GPC6: variants seen among roughly 807,000 people sequenced by gnomAD.
The protein encoded by GPC6 is glypican 6, also known as glypican-6.
Under a neutral mutation model 55.2 loss-of-function variants are expected in GPC6, and 14 were observed. That is an observed-to-expected ratio of 0.25 (90% CI 0.17 to 0.40). The LOEUF is 0.40. Among genes scored for constraint, GPC6 ranks in the 10% least tolerant of loss-of-function variants. The probability of loss-of-function intolerance (pLI) is 1.00; values close to 1 mark genes in which losing one functional copy is unlikely to be tolerated. For synonymous variants in GPC6, 278 were observed against 259.6 expected (o/e 1.07, Z -0.68); for missense variants, 641 against 708.5 (o/e 0.90, Z 1.08).
At chr13:93,252,738 G>T (rs911231835) in intron 1 of GPC6, among the ~76,000 whole-genome samples, 1 of 152,186 alleles carries the variant, frequency 6.6e-6, no homozygotes. Flanking sequence ...GGAGCACAGT[G>T]CTTGAACACA....
intron 1 of GPC6, among the ~76,000 whole-genome samples, chr13:93,432,396 G>A (rs1426069408): frequency 6.6e-6 from 1 of 152,122 alleles, no homozygotes; most frequent in African/African-American, 2.4e-5. Context: ...CAGCTGTTAA[G>A]AGGAGGTGAT....
chr13:94,153,455 A>G (rs16949504), intron 4 of GPC6, among the ~76,000 whole-genome samples: 12,816 of 152,204 alleles, frequency 0.084, 587 homozygotes, highest in Middle Eastern at 0.21. Flanking sequence ...GTCTTTATGA[A>G]GCACATTAAC....
At chr13:94,217,531 C>T (rs1250319857) in intron 4 of GPC6, among the ~76,000 whole-genome samples, 2 of 152,156 alleles carry the variant, frequency 1.3e-5, no homozygotes, top group African/African-American at 4.8e-5. Flanking sequence ...TTCATCTATA[C>T]GGCCCCAGCG....
At chr13:94,086,355 A>C (rs894968429) in intron 4 of GPC6, among the ~76,000 whole-genome samples, 2 of 152,202 alleles carry the variant, frequency 1.3e-5, no homozygotes, top group African/African-American at 4.8e-5. Flanking sequence ...GCCTGTGGCT[A>C]AAATGAGATC....
chr13:93,323,710 T>C (rs1400376460), intron 1 of GPC6, among the ~76,000 whole-genome samples: 2 of 152,176 alleles, frequency 1.3e-5, no homozygotes, highest in Admixed American at 6.5e-5. Flanking sequence ...CCCAAGGACT[T>C]AGAGTTTGGT....
Position 94,398,521 on chromosome 13 carries a change from G to A in GPC6, c.1345G>A (p.Val449Met), listed in dbSNP as rs988263929. 5 of 1,613,422 alleles carry A rather than the reference G, an allele frequency of 3.1e-6. No individual in the cohort carries two copies. In the Admixed American group the frequency reaches 8.3e-5, roughly 27 times the overall value. Residue 449 changes from valine (V) to methionine (M), a missense_variant, in exon 8 of 9, where the codon GTG becomes ATG. Transcript: ENST00000377047. ...CACCAACCAGATCAACAATCCCGAG[G>A]TGGATGTGGACATCACTCGGCCTGA... ...GLTNQINNPE[V>M]DVDITRPDTF...
chr13:93,245,901 A>ATTCTTCTT (rs1876588225), intron 1 of GPC6, among the ~76,000 whole-genome samples: 1 of 152,226 alleles, frequency 6.6e-6, no homozygotes, highest in South Asian at 2.1e-4. Context: ...GAGGCCAACG[A>ATTCTTCTT]TTCTTCTTCC....
At chr13:93,644,519 A>G (rs1880089701) in intron 2 of GPC6, among the ~76,000 whole-genome samples, 1 of 152,068 alleles carries the variant, frequency 6.6e-6, no homozygotes, top group Non-Finnish European at 1.5e-5. Context: ...CTGGAGAGAA[A>G]GTTTAAGTAA....
At chr13:93,414,335 CT>C (rs1876614610) in intron 1 of GPC6, among the ~76,000 whole-genome samples, 1 of 152,124 alleles carries the variant, frequency 6.6e-6, no homozygotes, top group Admixed American at 6.6e-5. Flanking sequence ...AGGGAGAATT[CT>C]TTTTGCCCTT....
At chr13:93,741,222 C>T (rs949405821) in intron 2 of GPC6, among the ~76,000 whole-genome samples, 1 of 142,050 alleles carries the variant, frequency 7.0e-6, no homozygotes, top group Non-Finnish European at 1.5e-5. Context: ...TCACGCCATT[C>T]TCCTGCCTCA....
chr13:94,057,162 A>T (rs1884160004), intron 4 of GPC6, among the ~76,000 whole-genome samples: 1 of 152,172 alleles, frequency 6.6e-6, no homozygotes. Context: ...TGAAATTTAG[A>T]GGTTGATTAT....
chr13:93,700,219 C>T (rs1198360494), intron 2 of GPC6, among the ~76,000 whole-genome samples: 1 of 152,020 alleles, frequency 6.6e-6, no homozygotes, highest in Non-Finnish European at 1.5e-5. Context: ...GAGGATTTAT[C>T]CTAGCACACT....
intron 2 of GPC6, among the ~76,000 whole-genome samples, chr13:93,578,621 T>C (rs572217499): frequency 1.3e-5 from 2 of 150,014 alleles, no homozygotes; most frequent in South Asian, 4.2e-4. Context: ...GTTTATCTTT[T>C]CAAAAAAACT....
intron 3 of GPC6, among the ~76,000 whole-genome samples, chr13:93,951,864 A>T (rs779198048): frequency 2.0e-5 from 3 of 152,158 alleles, no homozygotes; most frequent in Admixed American, 6.5e-5. Context: ...GAAGCAAAGG[A>T]TGAAACAGTG....
intron 2 of GPC6, among the ~76,000 whole-genome samples, chr13:93,634,290 G>T (rs1256617811): frequency 3.3e-5 from 5 of 152,162 alleles, no homozygotes; most frequent in Admixed American, 2.6e-4. Flanking sequence ...ACAGACATTA[G>T]TGACGCCTTA....
At position 93,695,527 on chromosome 13, in the gene GPC6, G is replaced by A. The variant is rs1028319380; in HGVS notation, c.320-134627G>A. Among the ~76,000 whole-genome samples, 12 of 152,032 alleles carry A rather than the reference G, an allele frequency of 7.9e-5. No individual in the cohort carries two copies. In the East Asian group the frequency reaches 2.3e-3, roughly 29 times the overall value. ...TTGATGTATAAGGGAACAGTGATTT[G>A]AAAATAACTTTTATAAATACACTTT... is the stretch of plus-strand genomic sequence containing the variant. On this transcript the variant is annotated intron_variant, in intron 2 of 8. Transcript: ENST00000377047.
chr13:93,555,094 C>T (rs1041973885), intron 2 of GPC6, among the ~76,000 whole-genome samples: 3 of 152,054 alleles, frequency 2.0e-5, no homozygotes, highest in Non-Finnish European at 2.9e-5. Context: ...TGGATTTCTC[C>T]ACGTATTTTG....
chr13:93,479,383 A>G (rs1879413104), intron 1 of GPC6, among the ~76,000 whole-genome samples: 1 of 152,232 alleles, frequency 6.6e-6, no homozygotes, highest in Non-Finnish European at 1.5e-5. Flanking sequence ...ATTTCAAAAT[A>G]TCCATAGGGA....
intron 2 of GPC6, among the ~76,000 whole-genome samples, chr13:93,624,712 C>A (rs1268170711): frequency 1.3e-5 from 2 of 152,252 alleles, no homozygotes; most frequent in East Asian, 3.9e-4. Context: ...GAAAACCAAG[C>A]CAAACCTTGC....
Sources: gnomAD v4.1 joint callset for allele counts (sites outside exome capture counted in the v4.1 genomes callset) on GRCh38, gnomAD v4.1.1 for gene constraint, MANE v1.5 for transcripts, NCBI Gene and HGNC (gene_info 2026-07-23, HGNC 2026-07-21) for gene names.